Variants in TBC1D15 observed in about 807,000 individuals in gnomAD.
The protein encoded by TBC1D15 is TBC1 domain family member 15, also known as GAP for RAB7.
A neutral mutation model predicts 95.4 loss-of-function variants in TBC1D15; 39 were observed. That is an observed-to-expected ratio of 0.41 (90% CI 0.32 to 0.53). TBC1D15 has a LOEUF of 0.53. TBC1D15 is among the 20% of genes least tolerant of loss of function. TBC1D15 has a pLI of 0.29. For missense variants in TBC1D15, 733 were observed against 794.3 expected, an observed-to-expected ratio of 0.92 and a Z score of 0.93; for synonymous variants, 258 against 261.3, an observed-to-expected ratio of 0.99 and a Z score of 0.12.
At chr12:71,841,995 C>T (rs1885138824) in intron 1 of TBC1D15, among the ~76,000 whole-genome samples, 2 of 152,120 alleles carry the variant, frequency 1.3e-5, no homozygotes, top group Admixed American at 1.3e-4. Flanking sequence ...TCCCCTCTCC[C>T]TTCAAGTTTT....
intron 1 of TBC1D15, chr12:71,840,994 A>G (rs772545035): frequency 6.6e-6 from 1 of 152,204 alleles, no homozygotes; most frequent in Non-Finnish European, 1.5e-5. Flanking sequence ...AAAACATAAA[A>G]TTACACACTT....
At chr12:71,883,788 T>C (rs1310502905) in intron 4 of TBC1D15, among the ~76,000 whole-genome samples, 1 of 152,176 alleles carries the variant, frequency 6.6e-6, no homozygotes, top group Non-Finnish European at 1.5e-5. Flanking sequence ...GAGACACGAC[T>C]TGCTTATGTT....
At position 71,894,631 on chromosome 12, in the gene TBC1D15, T is replaced by C. The variant is rs931569801; in HGVS notation, c.658-55T>C. On this transcript the variant is annotated intron_variant, in intron 6 of 16. Coordinates refer to ENST00000485960, the MANE Select transcript of TBC1D15 (RefSeq NM_001146213.3). Reference sequence around the variant, plus strand: ...TTGCTTTTTTGCTCATGATGGAGTATTCGTTTTTCTTTATTTGAGTTAATA... The same window carrying C: ...TTGCTTTTTTGCTCATGATGGAGTACTCGTTTTTCTTTATTTGAGTTAATA... 5 of 1,486,038 alleles carry C rather than the reference T, an allele frequency of 3.4e-6. No homozygotes were observed. In the African/African-American group the frequency reaches 7.0e-5, roughly 21 times the overall value. The allele number at this position is 1,486,038 out of a possible 1,614,324, so 92.1% of individuals were successfully genotyped here.
At chr12:71,852,392 C>T (rs1277873865) in intron 1 of TBC1D15, among the ~76,000 whole-genome samples, 1 of 152,230 alleles carries the variant, frequency 6.6e-6, no homozygotes, top group Non-Finnish European at 1.5e-5. Context: ...GCCTTTTCCC[C>T]ATTGTCTTGG....
chr12:71,893,763 C>A (rs1389753108), intron 6 of TBC1D15, among the ~76,000 whole-genome samples: 1 of 151,920 alleles, frequency 6.6e-6, no homozygotes, highest in Non-Finnish European at 1.5e-5. Flanking sequence ...ACTGTTCTTA[C>A]ATTTGGCTAA....
At chr12:71,898,236 A>G (rs1439484066) in intron 10 of TBC1D15, among the ~76,000 whole-genome samples, 1 of 152,076 alleles carries the variant, frequency 6.6e-6, no homozygotes, top group Non-Finnish European at 1.5e-5. Context: ...ATTTTTAAAA[A>G]ACTTTATTTT....
At position 71,899,693 on chromosome 12, in the gene TBC1D15, T is replaced by C. The variant is rs76692872; in HGVS notation, c.1183+1752T>C. On this transcript the variant is annotated intron_variant, in intron 10 of 16. Transcript: ENST00000485960. ...AGAGTATTTTATTTATATTTTAAAATCATTTTTACTGCTTTGTGGAAATTC... is the reference window on the plus strand; with the variant it reads ...AGAGTATTTTATTTATATTTTAAAACCATTTTTACTGCTTTGTGGAAATTC... 2.6e-3 allele frequency among the ~76,000 whole-genome samples: 399 copies of C among 152,302 alleles called. 6 individuals are homozygous for C. The highest frequency in any genetic ancestry group is 9.0e-3 in the African/African-American group (372 of 41,544).
At chr12:71,886,393 C>T (rs1330772077) in intron 5 of TBC1D15, among the ~76,000 whole-genome samples, 2 of 152,196 alleles carry the variant, frequency 1.3e-5, no homozygotes, top group African/African-American at 4.8e-5. Flanking sequence ...TGGTCTCGAA[C>T]CCCTGACCTC....
Position 71,920,845 on chromosome 12 carries a change from A to C in TBC1D15, c.1714A>C (p.Lys572Gln), listed in dbSNP as rs1479059558. 3 of 1,601,536 alleles carry C rather than the reference A, an allele frequency of 1.9e-6. No homozygotes were observed. The highest frequency in any genetic ancestry group is 1.7e-5 in the Admixed American group (1 of 59,208). ...EKHYGFNEIL[K>Q]HINELSMKID... ...GCATTATGGCTTCAATGAAATACTTAAGGTAGTTATTCCTTTAATTCAGAT... is the reference window on the plus strand; with the variant it reads ...GCATTATGGCTTCAATGAAATACTTCAGGTAGTTATTCCTTTAATTCAGAT... The change falls in exon 15 of 17, where the codon AAG (lysine) becomes CAG (glutamine). Residue 572 changes from lysine to glutamine, a missense_variant and splice_region_variant. Transcript: ENST00000485960.
At chr12:71,858,650 G>C (rs1889691542) in intron 1 of TBC1D15, among the ~76,000 whole-genome samples, 1 of 151,054 alleles carries the variant, frequency 6.6e-6, no homozygotes, top group Non-Finnish European at 1.5e-5. Flanking sequence ...CAGTTTCTGG[G>C]TTCAGGCAGT....
intron 1 of TBC1D15, chr12:71,849,162 A>AT (rs753510172): frequency 1.8e-5 from 5 of 274,026 alleles, no homozygotes; most frequent in Admixed American, 1.0e-4. Flanking sequence ...AACTGTGATT[A>AT]TAAAAAAAAA....
chr12:71,894,618 T>C, intron 6 of TBC1D15, 68 bp from the exon 7 acceptor site: 1 of 1,386,492 alleles, frequency 7.2e-7, no homozygotes, highest in Non-Finnish European at 9.9e-7. Flanking sequence ...GCTTTTTTGC[T>C]CATGATGGAG....
chr12:71,859,743 G>A (rs1480607688), intron 1 of TBC1D15, among the ~76,000 whole-genome samples: 1 of 152,042 alleles, frequency 6.6e-6, no homozygotes, highest in African/African-American at 2.4e-5. Context: ...GAGTAGTTGG[G>A]ATTACAGGCA....
At chr12:71,916,058 T>C (rs560203265) in intron 12 of TBC1D15, among the ~76,000 whole-genome samples, 1 of 152,296 alleles carries the variant, frequency 6.6e-6, no homozygotes, top group African/African-American at 2.4e-5. Flanking sequence ...ATAGACTTTG[T>C]CTATTATCAT....
chr12:71,906,174 C>T (rs373137495), intron 10 of TBC1D15, among the ~76,000 whole-genome samples: 14 of 152,308 alleles, frequency 9.2e-5, no homozygotes, highest in African/African-American at 2.6e-4. Flanking sequence ...CACCTGACCT[C>T]CTCATCTCTT....
intron 5 of TBC1D15, among the ~76,000 whole-genome samples, chr12:71,891,113 A>G (rs576500594): frequency 2.3e-3 from 349 of 152,290 alleles, no homozygotes; most frequent in South Asian, 3.5e-3. Flanking sequence ...TTGATTGATA[A>G]TCTCTGCAAT....
intron 5 of TBC1D15, among the ~76,000 whole-genome samples, chr12:71,891,444 A>C (rs569553149): frequency 2.6e-4 from 39 of 152,332 alleles, no homozygotes; most frequent in African/African-American, 8.7e-4. Flanking sequence ...ATGAGAGATC[A>C]ACTTCCCAGA....
At chr12:71,839,929 C>A in intron 1 of TBC1D15, 118 bp downstream of exon 1, 1 of 1,306,480 alleles carries the variant, frequency 7.7e-7, no homozygotes, top group Non-Finnish European at 1.1e-6. Context: ...CAACCCGTGG[C>A]GTCTGTAGGA....
chr12:71,849,250 TC>T, intron 1 of TBC1D15: 2 of 642,594 alleles, frequency 3.1e-6, no homozygotes, highest in Non-Finnish European at 5.5e-6. Context: ...TCCTGCCTGA[TC>T]CAAGTGCATC....
Sources: allele counts gnomAD v4.1 joint callset (sites outside exome capture counted in the v4.1 genomes callset), GRCh38; gene constraint gnomAD v4.1.1; transcripts MANE v1.5; gene names NCBI Gene and HGNC (gene_info 2026-07-23, HGNC 2026-07-21).